Variants in ADAMTS19 observed in about 807,000 individuals in gnomAD.
The protein encoded by ADAMTS19 is ADAM metallopeptidase with thrombospondin type 1 motif 19.
A neutral mutation model predicts 153.3 loss-of-function variants in ADAMTS19; 93 were observed. That is an observed-to-expected ratio of 0.61 (90% confidence interval 0.51 to 0.72). ADAMTS19 has a LOEUF of 0.72. ADAMTS19 is among the 30% of genes least tolerant of loss of function. ADAMTS19 has a pLI of 0.00. For missense variants in ADAMTS19, 1,482 were observed against 1,552.1 expected, an observed-to-expected ratio of 0.95 and a Z score of 0.76; for synonymous variants, 600 against 556.6, an observed-to-expected ratio of 1.08 and a Z score of -1.10.
At chr5:129,681,166 C>T (rs948153588) in intron 17 of ADAMTS19, among the ~76,000 whole-genome samples, 4 of 152,120 alleles carry the variant, frequency 2.6e-5, no homozygotes, top group Admixed American at 2.0e-4. Context: ...ATATATTGGC[C>T]TATTTGCTTC....
intron 7 of ADAMTS19, among the ~76,000 whole-genome samples, chr5:129,563,946 GTA>G (rs1753611105): frequency 6.6e-6 from 1 of 151,326 alleles, no homozygotes; most frequent in Non-Finnish European, 1.5e-5. Context: ...TTGACACGTA[GTA>G]TCTCTTTGTC....
chr5:129,614,451 T>C (rs1430704684), intron 8 of ADAMTS19, among the ~76,000 whole-genome samples: 1 of 152,102 alleles, frequency 6.6e-6, no homozygotes, highest in Non-Finnish European at 1.5e-5. Context: ...ATTATCTCAA[T>C]AGATGCAGAA....
intron 18 of ADAMTS19, among the ~76,000 whole-genome samples, chr5:129,688,700 G>A (rs17163089): frequency 0.044 from 6,745 of 152,074 alleles, 454 homozygotes; most frequent in African/African-American, 0.15. Context: ...CACACTTTCC[G>A]TCACAGTCTT....
At chr5:129,630,558 C>T (rs1752241881) in intron 10 of ADAMTS19, among the ~76,000 whole-genome samples, 1 of 151,998 alleles carries the variant, frequency 6.6e-6, no homozygotes, top group South Asian at 2.1e-4. Flanking sequence ...TGACATTCAT[C>T]TTTTAAAATT....
intron 8 of ADAMTS19, among the ~76,000 whole-genome samples, chr5:129,603,761 T>C (rs991996187): frequency 6.6e-6 from 1 of 152,150 alleles, no homozygotes; most frequent in Non-Finnish European, 1.5e-5. Context: ...CACCTAAAGA[T>C]GGAAGGCAAT....
intron 8 of ADAMTS19, among the ~76,000 whole-genome samples, chr5:129,610,012 A>C (rs1751117160): frequency 6.6e-6 from 1 of 152,110 alleles, no homozygotes. Flanking sequence ...TTAACAAGAC[A>C]TTCAACTAAA....
rs183053316 is a variant in ADAMTS19 at position 129,720,359 on chromosome 5, C to T, written c.3313-14573C>T. Among the ~76,000 whole-genome samples, 77 of 151,256 alleles carry T rather than the reference C, an allele frequency of 5.1e-4. No individual in the cohort carries two copies. In the East Asian group the frequency reaches 0.012, roughly 24 times the overall value. On this transcript the variant is annotated intron_variant, in intron 21 of 22. Coordinates refer to ENST00000274487, the MANE Select transcript of ADAMTS19 (RefSeq NM_133638.6). ...GCTGATTTTTCTATTTTAGTAGAAACAGGGTTTCACCACGTTGGCCAGTCT... is the reference window on the plus strand; with the variant it reads ...GCTGATTTTTCTATTTTAGTAGAAATAGGGTTTCACCACGTTGGCCAGTCT...
At chr5:129,669,320 T>G (rs1055393206) in intron 16 of ADAMTS19, among the ~76,000 whole-genome samples, 3 of 152,112 alleles carry the variant, frequency 2.0e-5, no homozygotes, top group African/African-American at 7.2e-5. Context: ...TGATTTCTCT[T>G]TCTTCATGAT....
At chr5:129,519,519 T>C (rs559418458) in intron 3 of ADAMTS19, among the ~76,000 whole-genome samples, 1 of 152,184 alleles carries the variant, frequency 6.6e-6, no homozygotes, top group East Asian at 1.9e-4. Flanking sequence ...TAGTCCACTG[T>C]CTCTAGCACT....
At chr5:129,560,757 C>A (rs1322740864) in intron 7 of ADAMTS19, among the ~76,000 whole-genome samples, 1 of 152,118 alleles carries the variant, frequency 6.6e-6, no homozygotes, top group African/African-American at 2.4e-5. Context: ...CATCTTGCAG[C>A]AACATTTAGT....
chr5:129,736,039 A>C (rs994560854), intron 22 of ADAMTS19, among the ~76,000 whole-genome samples: 1 of 152,166 alleles, frequency 6.6e-6, no homozygotes, highest in South Asian at 2.1e-4. Context: ...GAAATACAAA[A>C]ATTCTCTTTT....
intron 21 of ADAMTS19, among the ~76,000 whole-genome samples, chr5:129,711,570 G>A (rs895323739): frequency 1.3e-5 from 2 of 152,058 alleles, no homozygotes; most frequent in Non-Finnish European, 2.9e-5. Flanking sequence ...CCAGCTCCTG[G>A]GTAGGCTGAG....
Position 129,622,220 on chromosome 5 carries a change from C to T in ADAMTS19, c.1642C>T (p.Leu548=), listed in dbSNP as rs146728424. ...FLRSKASNCL[L]QTNPQSVNSV... is the part of the protein sequence containing the mutation. Reference sequence around the variant, plus strand: ...CAGGTCAAAGGCCAGTAACTGCTTGCTACAAACAAATCCGCAGAGTGTCAA... The same window carrying T: ...CAGGTCAAAGGCCAGTAACTGCTTGTTACAAACAAATCCGCAGAGTGTCAA... The change falls in exon 10 of 23, where the codon CTA becomes TTA. Residue 548 remains leucine (L), a synonymous_variant. Transcript: ENST00000274487. 447 of 1,614,064 alleles carry T rather than the reference C, an allele frequency of 2.8e-4. No individual in the cohort carries two copies. Among genetic ancestry groups the T allele is most frequent in the Non-Finnish European group, 3.6e-4 (425 of 1,179,962 alleles).
chr5:129,571,298 G>A (rs963347772), intron 7 of ADAMTS19, among the ~76,000 whole-genome samples: 2 of 151,606 alleles, frequency 1.3e-5, no homozygotes, highest in African/African-American at 2.4e-5. Flanking sequence ...TTTTAAATAT[G>A]TACATGTATA....
intron 2 of ADAMTS19, among the ~76,000 whole-genome samples, chr5:129,494,625 A>G (rs1750867848): frequency 6.6e-6 from 1 of 152,176 alleles, no homozygotes; most frequent in Non-Finnish European, 1.5e-5. Flanking sequence ...AAATTTAAAT[A>G]TGAAATCTAA....
At chr5:129,630,815 A>T (rs1279503467) in intron 10 of ADAMTS19, among the ~76,000 whole-genome samples, 1 of 152,040 alleles carries the variant, frequency 6.6e-6, no homozygotes, top group African/African-American at 2.4e-5. Context: ...GGGTGAAAAT[A>T]TTTATAATAG....
chr5:129,580,720 T>C (rs1399827638), intron 7 of ADAMTS19, among the ~76,000 whole-genome samples: 1 of 152,230 alleles, frequency 6.6e-6, no homozygotes, highest in Non-Finnish European at 1.5e-5. Context: ...GTTCTGTTTA[T>C]GTGATGGATT....
intron 7 of ADAMTS19, among the ~76,000 whole-genome samples, chr5:129,567,997 T>A (rs1418013892): frequency 6.6e-6 from 1 of 152,050 alleles, no homozygotes; most frequent in African/African-American, 2.4e-5. Flanking sequence ...CCAGAATCCA[T>A]GAAAGAAAGG....
At chr5:129,467,908 T>C (rs1401400519) in intron 2 of ADAMTS19, among the ~76,000 whole-genome samples, 1 of 152,224 alleles carries the variant, frequency 6.6e-6, no homozygotes, top group Non-Finnish European at 1.5e-5. Context: ...CATAGACAAA[T>C]ATATATACAT....
Sources: allele counts gnomAD v4.1 joint callset (sites outside exome capture counted in the v4.1 genomes callset), GRCh38; gene constraint gnomAD v4.1.1; transcripts MANE v1.5; gene names NCBI Gene and HGNC (gene_info 2026-07-23, HGNC 2026-07-21).